The following DLG2 variants were observed in gnomAD, a reference collection of about 807,000 sequenced individuals.
DLG2 encodes the protein disks large homolog 2.
A neutral mutation model predicts 132.5 loss-of-function variants in DLG2; 45 were observed. The ratio of observed to expected loss-of-function variants is 0.34; its 90% confidence interval spans 0.27 to 0.44. The LOEUF is 0.44. Among genes scored for constraint, DLG2 ranks in the 20% least tolerant of loss-of-function variants. The pLI is 1.00. For missense variants in DLG2, 1,045 were observed against 1,196.9 expected (o/e 0.87, Z 1.87); for synonymous variants, 424 against 419.6 (o/e 1.01, Z -0.13).
At chr11:85,108,028 A>ACC (rs2152307297) in intron 6 of DLG2, among the ~76,000 whole-genome samples, 1 of 150,164 alleles carries the variant, frequency 6.7e-6, no homozygotes, top group South Asian at 2.1e-4. Flanking sequence ...ACACACACAC[A>ACC]TCCAGGAAGA....
chr11:85,493,701 G>T (rs1188112619), intron 3 of DLG2, among the ~76,000 whole-genome samples: 1 of 144,036 alleles, frequency 6.9e-6, no homozygotes, highest in Non-Finnish European at 1.5e-5. Flanking sequence ...GAGGAGAGGG[G>T]AGAGAAAAGG....
intron 21 of DLG2, among the ~76,000 whole-genome samples, chr11:83,498,504 A>C (rs2094270197): frequency 6.6e-6 from 1 of 152,002 alleles, no homozygotes; most frequent in Non-Finnish European, 1.5e-5. Flanking sequence ...CTTTTAGATG[A>C]ATGAGAATGA....
intron 4 of DLG2, among the ~76,000 whole-genome samples, chr11:85,267,055 G>A (rs2077257098): frequency 6.6e-6 from 1 of 152,300 alleles, no homozygotes; most frequent in East Asian, 1.9e-4. Context: ...TGGACTGGAT[G>A]CTTGTATCCC....
intron 7 of DLG2, among the ~76,000 whole-genome samples, chr11:84,406,851 C>A (rs867933841): frequency 1.3e-5 from 2 of 152,210 alleles, no homozygotes; most frequent in South Asian, 4.1e-4. Context: ...ACTTGGTAAA[C>A]CCTCAATGAA....
At chr11:84,198,828 C>G (rs2096556706) in intron 8 of DLG2, among the ~76,000 whole-genome samples, 1 of 152,054 alleles carries the variant, frequency 6.6e-6, no homozygotes, top group Admixed American at 6.5e-5. Context: ...CCAAGAAAAT[C>G]TAGAGAGTAT....
chr11:84,094,941 A>C (rs927482623), intron 10 of DLG2, among the ~76,000 whole-genome samples: 3 of 152,198 alleles, frequency 2.0e-5, no homozygotes, highest in African/African-American at 7.2e-5. Flanking sequence ...GTTTTTTTTA[A>C]GCAAAGGAAA....
At chr11:83,996,076 T>C (rs1565960583) in intron 11 of DLG2, among the ~76,000 whole-genome samples, 1 of 152,002 alleles carries the variant, frequency 6.6e-6, no homozygotes, top group Non-Finnish European at 1.5e-5. Flanking sequence ...AACTACCCAT[T>C]TGACAAGTGA....
chr11:85,174,555 T>C (rs2079088920), intron 4 of DLG2, among the ~76,000 whole-genome samples: 2 of 151,858 alleles, frequency 1.3e-5, no homozygotes, highest in South Asian at 2.1e-4. Context: ...AACTAGAAGA[T>C]CTAGAGAACC....
chr11:84,419,329 A>G (rs371540881), intron 7 of DLG2, among the ~76,000 whole-genome samples: 45 of 152,294 alleles, frequency 3.0e-4, no homozygotes, highest in Non-Finnish European at 4.1e-4. Context: ...TATCTCCCCA[A>G]TATCTATCCT....
chr11:83,830,945 T>C (rs531815287), intron 17 of DLG2, among the ~76,000 whole-genome samples: 3 of 152,344 alleles, frequency 2.0e-5, no homozygotes, highest in African/African-American at 2.4e-5. Flanking sequence ...TCCGCAAGTA[T>C]ACAGAATGTA....
intron 7 of DLG2, among the ~76,000 whole-genome samples, chr11:84,502,455 T>C (rs1323657039): frequency 6.8e-6 from 1 of 147,004 alleles, no homozygotes; most frequent in East Asian, 2.0e-4. Flanking sequence ...AAGTGCAGTG[T>C]CTCAATCTCG....
intron 19 of DLG2, among the ~76,000 whole-genome samples, chr11:83,560,208 T>G (rs1050155320): frequency 6.6e-6 from 1 of 151,910 alleles, no homozygotes; most frequent in African/African-American, 2.4e-5. Flanking sequence ...ACCTCTGCCT[T>G]CTGGGTTCAA....
chr11:85,166,114 A>G lies in DLG2; in HGVS notation c.187-11463T>C, dbSNP rs528983152. On this transcript the variant is annotated intron_variant, in intron 4 of 27. Transcript: ENST00000376104. ...CTTTCTCTGACATTTCACACGATTG[A>G]CCTCTTCCTCCTTCTTGAAAGTTAT... 1.1e-3 allele frequency among the ~76,000 whole-genome samples: 173 copies of G among 151,976 alleles called. 7 individuals carry two copies. In the South Asian group the frequency reaches 0.033, roughly 29 times the overall value.
intron 18 of DLG2, among the ~76,000 whole-genome samples, chr11:83,640,708 T>G (rs1271302597): frequency 6.6e-6 from 1 of 152,182 alleles, no homozygotes; most frequent in Non-Finnish European, 1.5e-5. Flanking sequence ...AAAAAGAGCA[T>G]TTGGTATTTA....
At chr11:84,972,825 T>C (rs118158185) in intron 6 of DLG2, among the ~76,000 whole-genome samples, 2,429 of 152,270 alleles carry the variant, frequency 0.016, 31 homozygotes, top group Non-Finnish European at 0.026. Flanking sequence ...CTCTTAAATG[T>C]TTCTCTCTTC....
At chr11:84,659,939 T>C (rs1209600793) in intron 6 of DLG2, among the ~76,000 whole-genome samples, 4 of 152,108 alleles carry the variant, frequency 2.6e-5, no homozygotes, top group African/African-American at 9.7e-5. Context: ...GTGCCAAACA[T>C]GGGGCTTCTG....
intron 7 of DLG2, among the ~76,000 whole-genome samples, chr11:84,321,404 A>G (rs2098403931): frequency 6.6e-6 from 1 of 152,080 alleles, no homozygotes; most frequent in Admixed American, 6.5e-5. Context: ...GTTAAACGTC[A>G]TTTTCTGGGA....
At chr11:85,505,742 T>A (rs953550464) in intron 3 of DLG2, among the ~76,000 whole-genome samples, 2 of 152,190 alleles carry the variant, frequency 1.3e-5, no homozygotes, top group Non-Finnish European at 1.5e-5. Flanking sequence ...ATGAAATGAG[T>A]TAGGGAGGAT....
chr11:84,495,585 A>G (rs1377528030), intron 7 of DLG2, among the ~76,000 whole-genome samples: 1 of 152,202 alleles, frequency 6.6e-6, no homozygotes, highest in African/African-American at 2.4e-5. Context: ...TTGAATAAAC[A>G]AAAGAATAAA....
Sources: gnomAD v4.1 joint callset for allele counts (sites outside exome capture counted in the v4.1 genomes callset) on GRCh38, gnomAD v4.1.1 for gene constraint, MANE v1.5 for transcripts, NCBI Gene and HGNC (gene_info 2026-07-23, HGNC 2026-07-21) for gene names.